SPON1: variants seen among roughly 807,000 people sequenced by gnomAD.
SPON1 encodes spondin-1.
A neutral mutation model predicts 111.7 loss-of-function variants in SPON1; 52 were observed. The observed-to-expected ratio is 0.47, with a 90% CI of 0.37 to 0.59. The LOEUF (loss-of-function observed/expected upper bound fraction) is 0.59. Ranked by LOEUF, SPON1 falls within the 20% of genes least tolerant of loss-of-function variation. SPON1 has a pLI of 0.00. For synonymous variants in SPON1, 410 were observed against 395.8 expected (o/e 1.04, Z -0.43); for missense variants, 957 against 1,068.5 (o/e 0.90, Z 1.46).
chr11:14,069,472 C>G (rs1482735722), intron 3 of SPON1, among the ~76,000 whole-genome samples: 2 of 152,094 alleles, frequency 1.3e-5, no homozygotes, highest in Admixed American at 6.5e-5. Context: ...CCGCCATCAT[C>G]TCCTCCTCTT....
At chr11:14,018,509 G>A (rs1313162446) in intron 2 of SPON1, among the ~76,000 whole-genome samples, 1 of 152,182 alleles carries the variant, frequency 6.6e-6, no homozygotes, top group African/African-American at 2.4e-5. Flanking sequence ...GATTGAGTTT[G>A]AAATATTGTA....
intron 6 of SPON1, among the ~76,000 whole-genome samples, chr11:14,164,539 G>A (rs986767467): frequency 3.3e-5 from 5 of 152,006 alleles, no homozygotes; most frequent in Admixed American, 6.6e-5. Flanking sequence ...AAATAAACCC[G>A]TTCTAAGCTA....
intron 3 of SPON1, among the ~76,000 whole-genome samples, chr11:14,047,064 A>C (rs1444150632): frequency 3.3e-5 from 5 of 149,776 alleles, no homozygotes; most frequent in Non-Finnish European, 7.4e-5. Flanking sequence ...GCACTGCTGA[A>C]CTCTCTTGGT....
chr11:14,243,928 T>G (rs1554939975), intron 7 of SPON1, among the ~76,000 whole-genome samples: 2 of 152,212 alleles, frequency 1.3e-5, no homozygotes, highest in African/African-American at 4.8e-5. Flanking sequence ...CCGTCAGGTT[T>G]TTGGACAGCT....
chr11:14,014,553 G>A (rs964628413), intron 2 of SPON1, among the ~76,000 whole-genome samples: 5 of 152,222 alleles, frequency 3.3e-5, no homozygotes, highest in Non-Finnish European at 5.9e-5. Flanking sequence ...GAGGAGAAAG[G>A]TCTGGTGCTA....
At chr11:14,010,502 T>C (rs1554913599) in intron 2 of SPON1, among the ~76,000 whole-genome samples, 2 of 151,806 alleles carry the variant, frequency 1.3e-5, no homozygotes, top group African/African-American at 4.8e-5. Flanking sequence ...GGGGGTAAAA[T>C]GAGGGATTGG....
intron 7 of SPON1, among the ~76,000 whole-genome samples, chr11:14,254,135 C>T (rs1312345213): frequency 6.6e-6 from 1 of 152,064 alleles, no homozygotes; most frequent in East Asian, 1.9e-4. Context: ...CTTCTGAGGG[C>T]AATAGAAACA....
chr11:13,970,517 G>A (rs1554908471), intron 1 of SPON1, among the ~76,000 whole-genome samples: 1 of 152,210 alleles, frequency 6.6e-6, no homozygotes, highest in African/African-American at 2.4e-5. Flanking sequence ...GGGCAGGAGT[G>A]TGGGCAGGTG....
intron 2 of SPON1, among the ~76,000 whole-genome samples, chr11:13,996,345 G>T (rs114704722): frequency 1.3e-5 from 2 of 152,300 alleles, no homozygotes; most frequent in African/African-American, 2.4e-5. Context: ...TAAAATTGCC[G>T]TGTGAAAAGT....
chr11:14,142,291 G>A (rs1847665692), intron 6 of SPON1, among the ~76,000 whole-genome samples: 1 of 152,100 alleles, frequency 6.6e-6, no homozygotes, highest in Admixed American at 6.5e-5. Context: ...CCCCCTGCAG[G>A]ACTAGAAAAT....
intron 2 of SPON1, among the ~76,000 whole-genome samples, chr11:14,031,690 G>T (rs1848560405): frequency 6.6e-6 from 1 of 151,918 alleles, no homozygotes; most frequent in South Asian, 2.1e-4. Context: ...TTTCTGTCCT[G>T]GTTAACGTTT....
chr11:14,140,195 G>A (rs926727240), intron 6 of SPON1, among the ~76,000 whole-genome samples: 1 of 152,110 alleles, frequency 6.6e-6, no homozygotes, highest in East Asian at 1.9e-4. Flanking sequence ...TCCAATCCAC[G>A]TCTGCTTCTT....
chr11:14,128,693 C>T (rs1847491902), intron 5 of SPON1, among the ~76,000 whole-genome samples: 2 of 152,248 alleles, frequency 1.3e-5, no homozygotes, highest in South Asian at 4.1e-4. Flanking sequence ...TCTTCAGCCC[C>T]ACATTTCCCC....
intron 2 of SPON1, among the ~76,000 whole-genome samples, chr11:14,006,582 G>A (rs79273816): frequency 0.012 from 1,846 of 152,246 alleles, 27 homozygotes; most frequent in African/African-American, 0.042. Flanking sequence ...TTGGTCGCAC[G>A]TGGTGGACCG....
At chr11:14,174,587 T>C (rs1848152549) in intron 6 of SPON1, among the ~76,000 whole-genome samples, 1 of 151,854 alleles carries the variant, frequency 6.6e-6, no homozygotes, top group Non-Finnish European at 1.5e-5. Flanking sequence ...CCTCCTCTGT[T>C]TTCCCAATGA....
At position 14,001,444 on chromosome 11, in the gene SPON1, A is replaced by G. The variant is rs992647417; in HGVS notation, c.345+18491A>G. On this transcript the variant is annotated intron_variant, in intron 2 of 15. Coordinates refer to ENST00000576479, the MANE Select transcript of SPON1 (RefSeq NM_006108.4). ...AACAAGGTCTGCCCTCAAGGAAACT[A>G]CTTTACCAGAGTCTTATCTGATCCG... 2.0e-5 allele frequency among the ~76,000 whole-genome samples: 3 copies of G among 152,244 alleles called. No individual in the cohort carries two copies. In the East Asian group the frequency reaches 5.8e-4, roughly 29 times the overall value.
intron 6 of SPON1, among the ~76,000 whole-genome samples, chr11:14,155,151 A>G (rs1232528615): frequency 7.2e-5 from 11 of 152,224 alleles, no homozygotes; most frequent in Middle Eastern, 6.8e-3. Flanking sequence ...TCATCTTCCT[A>G]TCTTCTTCTA....
At chr11:14,004,441 GT>G (rs145960166) in intron 2 of SPON1, among the ~76,000 whole-genome samples, 3,813 of 152,210 alleles carry the variant, frequency 0.025, 153 homozygotes, top group African/African-American at 0.086. Context: ...ACCAATCTAC[GT>G]TTCCATCAAC....
Position 14,135,645 on chromosome 11 carries a change from C to T in SPON1, c.825+77C>T. 3 of 1,466,620 alleles carry T rather than the reference C, an allele frequency of 2.0e-6. No homozygotes were observed. The highest frequency in any genetic ancestry group is 2.8e-6 in the Non-Finnish European group (3 of 1,066,008). 90.9% of individuals were successfully genotyped at this position (1,466,620 alleles called of 1,614,324 possible). ...ACTCCTTAGATATCTTTCCCAGGGG[C>T]TTGAAATTTGCAGTACAATGTGGTG... On this transcript the variant is annotated intron_variant, in intron 6 of 15. Coordinates refer to ENST00000576479, the MANE Select transcript of SPON1 (RefSeq NM_006108.4). The surrounding 1 kb of genome is among the most constrained non-coding windows in gnomAD (Gnocchi z 4.4).
Sources: gnomAD v4.1 joint callset for allele counts (sites outside exome capture counted in the v4.1 genomes callset) on GRCh38, gnomAD v4.1.1 for gene constraint, Gnocchi (gnomAD v3.1) non-coding constraint, MANE v1.5 for transcripts, NCBI Gene and HGNC (gene_info 2026-07-23, HGNC 2026-07-21) for gene names.